Variants in ACER3 observed in about 807,000 individuals in gnomAD.
The protein encoded by ACER3 is alkCDase 3.
In ACER3, 16 loss-of-function variants were observed where a neutral mutation model predicts 48.9. The ratio of observed to expected loss-of-function variants is 0.33; its 90% CI spans 0.22 to 0.50. The LOEUF is 0.50. ACER3 is among the 20% of genes least tolerant of loss of function. The pLI is 0.98. For missense variants in ACER3, 227 were observed against 326.0 expected, an observed-to-expected ratio of 0.70 and a Z score of 2.34; for synonymous variants, 109 against 107.8, an observed-to-expected ratio of 1.01 and a Z score of -0.07.
intron 7 of ACER3, among the ~76,000 whole-genome samples, chr11:77,009,792 C>G (rs1449730263): frequency 6.6e-6 from 1 of 151,852 alleles, no homozygotes; most frequent in Admixed American, 6.6e-5. Context: ...GCCTGGGCAA[C>G]AGAGTGAGAC....
At chr11:76,864,166 G>C (rs1364415295) in intron 1 of ACER3, among the ~76,000 whole-genome samples, 1 of 152,186 alleles carries the variant, frequency 6.6e-6, no homozygotes, top group African/African-American at 2.4e-5. Context: ...CCTAGCATCA[G>C]CCAAGATCAG....
At chr11:76,930,698 A>G (rs1156928115) in intron 2 of ACER3, among the ~76,000 whole-genome samples, 2 of 152,008 alleles carry the variant, frequency 1.3e-5, no homozygotes, top group Non-Finnish European at 2.9e-5. Flanking sequence ...GAACGTCTGT[A>G]TTTCTGCCTT....
intron 10 of ACER3, 130 bp from the exon 11 acceptor site, chr11:77,020,144 C>A: frequency 1.2e-6 from 1 of 848,394 alleles, no homozygotes; most frequent in Non-Finnish European, 1.9e-6. Flanking sequence ...GCTCAGGCTG[C>A]TAATACCAGG....
At chr11:76,968,745 G>C (rs1345751009) in intron 3 of ACER3, among the ~76,000 whole-genome samples, 4 of 152,218 alleles carry the variant, frequency 2.6e-5, no homozygotes, top group African/African-American at 7.2e-5. Context: ...GCCATATGTA[G>C]AAAGCTGAAA....
chr11:76,913,740 C>T (rs1946448428), intron 1 of ACER3, among the ~76,000 whole-genome samples: 1 of 152,150 alleles, frequency 6.6e-6, no homozygotes, highest in Non-Finnish European at 1.5e-5. Context: ...CCCACATTGC[C>T]AAGTGAATCC....
At chr11:76,990,996 A>G (rs1380347193) in intron 6 of ACER3, among the ~76,000 whole-genome samples, 2 of 152,232 alleles carry the variant, frequency 1.3e-5, no homozygotes, top group Non-Finnish European at 2.9e-5. Flanking sequence ...GGAAGCAGAC[A>G]CAGGAAACTT....
intron 7 of ACER3, among the ~76,000 whole-genome samples, chr11:77,000,831 A>G (rs1216731987): frequency 6.6e-6 from 1 of 152,208 alleles, no homozygotes; most frequent in African/African-American, 2.4e-5. Flanking sequence ...AAGTCTTCAA[A>G]TCATACAGAC....
intron 2 of ACER3, among the ~76,000 whole-genome samples, chr11:76,934,834 G>T (rs1372792998): frequency 6.6e-6 from 1 of 152,106 alleles, no homozygotes; most frequent in African/African-American, 2.4e-5. Context: ...CTATAAAATA[G>T]ACCCCCCAAC....
At chr11:76,987,778 C>T (rs895247201) in intron 5 of ACER3, among the ~76,000 whole-genome samples, 3 of 152,072 alleles carry the variant, frequency 2.0e-5, no homozygotes, top group African/African-American at 7.2e-5. Context: ...CTCTACAAAA[C>T]ATTTTTTAAA....
intron 2 of ACER3, among the ~76,000 whole-genome samples, chr11:76,931,939 G>C (rs1393792366): frequency 7.3e-6 from 1 of 137,776 alleles, no homozygotes; most frequent in African/African-American, 2.8e-5. Flanking sequence ...TGACAATTAT[G>C]TGTTTTGGAG....
intron 1 of ACER3, among the ~76,000 whole-genome samples, chr11:76,883,438 CTTTTTTTTTT>C (rs60656670): frequency 1.0e-5 from 1 of 98,936 alleles, no homozygotes; most frequent in Non-Finnish European, 1.9e-5. Context: ...GATTTTCTTG[CTTTTTTTTTT>C]TTTTTTTTTT....
intron 9 of ACER3, 28 bp downstream of exon 9, chr11:77,016,807 G>T: frequency 8.0e-7 from 1 of 1,246,640 alleles, no homozygotes; most frequent in Non-Finnish European, 1.1e-6. Context: ...TTTTAGCCTC[G>T]TACTAGAGTT....
At chr11:76,867,333 G>A (rs750297973) in intron 1 of ACER3, among the ~76,000 whole-genome samples, 1 of 151,966 alleles carries the variant, frequency 6.6e-6, no homozygotes, top group African/African-American at 2.4e-5. Context: ...GCCAGGTGTG[G>A]TGGTATGTGC....
chr11:76,953,696 A>G (rs1157515958), intron 2 of ACER3, among the ~76,000 whole-genome samples: 2 of 152,190 alleles, frequency 1.3e-5, no homozygotes, highest in South Asian at 2.1e-4. Flanking sequence ...TTTAAAATGT[A>G]TAGTATCTTA....
intron 1 of ACER3, among the ~76,000 whole-genome samples, chr11:76,880,773 TGGGGAGA>T: frequency 6.6e-6 from 1 of 152,250 alleles, no homozygotes; most frequent in Admixed American, 6.5e-5. Context: ...TGGCCTGCCA[TGGGGAGA>T]AATAGCAAGG....
intron 2 of ACER3, among the ~76,000 whole-genome samples, chr11:76,943,912 CCTTTT>C (rs937387235): frequency 9.9e-5 from 7 of 70,710 alleles, no homozygotes; most frequent in African/African-American, 3.0e-4. Context: ...TGACCTTTGT[CCTTTT>C]TTTTTTTTTA....
At chr11:77,019,645 G>A in intron 9 of ACER3, 86 bp from the exon 10 acceptor site, 1 of 1,293,634 alleles carries the variant, frequency 7.7e-7, no homozygotes, top group Non-Finnish European at 1.1e-6. Flanking sequence ...ACATGCAGAA[G>A]CACTATGGTT....
intron 2 of ACER3, chr11:76,957,578 G>A (rs999550078): frequency 2.6e-6 from 1 of 382,548 alleles, no homozygotes; most frequent in Non-Finnish European, 5.2e-6. Context: ...CAAGTAGCTG[G>A]GACTACAGGT....
At chr11:76,895,083 T>C (rs1280614119) in intron 1 of ACER3, among the ~76,000 whole-genome samples, 1 of 152,184 alleles carries the variant, frequency 6.6e-6, no homozygotes, top group Non-Finnish European at 1.5e-5. Context: ...TAGTGTATAA[T>C]GTGGAGAAAG....
Sources: allele counts gnomAD v4.1 joint callset (sites outside exome capture counted in the v4.1 genomes callset), GRCh38; gene constraint gnomAD v4.1.1; transcripts MANE v1.5; gene names NCBI Gene and HGNC (gene_info 2026-07-23, HGNC 2026-07-21).